The following PACS2 variants were observed in gnomAD, a reference collection of about 807,000 sequenced individuals.
The protein encoded by PACS2 is PACS1-like protein.
In PACS2, 36 loss-of-function variants were observed where a neutral mutation model predicts 113.0. The ratio of observed to expected loss-of-function variants is 0.32; its 90% CI spans 0.24 to 0.42. The LOEUF (loss-of-function observed/expected upper bound fraction) is 0.42. PACS2 is among the 10% of genes least tolerant of loss of function. The probability of loss-of-function intolerance (pLI) is 1.00; values close to 1 mark genes in which losing one functional copy is unlikely to be tolerated. For synonymous variants in PACS2, 589 were observed against 536.1 expected, an observed-to-expected ratio of 1.10 and a Z score of -1.36; for missense variants, 1,015 against 1,239.5, an observed-to-expected ratio of 0.82 and a Z score of 2.72.
rs767035348 is a variant in PACS2 at position 105,329,668 on chromosome 14, C to T, written c.119+14631C>T. ...TGGCTCAGGGAGGTCCAGACAGCCC[C>T]CTTGTCTAGGTGCGCACCTGGAGTC... On this transcript the variant is annotated intron_variant, in intron 1 of 24. Transcript: ENST00000447393. The surrounding 1 kb of genome is among the most constrained non-coding windows in gnomAD (Gnocchi z 6.4). 2.0e-5 allele frequency among the ~76,000 whole-genome samples: 3 copies of T among 152,138 alleles called. No individual in the cohort carries two copies. Among genetic ancestry groups the T allele is most frequent in the Non-Finnish European group, 2.9e-5 (2 of 68,018 alleles).
At position 105,369,863 on chromosome 14, in the gene PACS2, TG is replaced by T; in HGVS notation, c.766del (p.Val256Ter). 1 of 1,604,076 alleles carries T rather than the reference TG, an allele frequency of 6.2e-7. No individual in the cohort carries two copies. The highest frequency in any genetic ancestry group is 1.1e-5 in the South Asian group (1 of 90,106). On this transcript the variant is annotated frameshift_variant, in exon 8 of 25. Transcript: ENST00000447393. LOFTEE classifies it high-confidence loss of function. ...MTRQQNFKQK[V>X]VALLRRFKVS... ...CAGCAACAGAACTTCAAGCAGAAAGTGGTAGCGCTGCTGCGGAGGTTCAAAG... is the reference window on the plus strand; with the variant it reads ...CAGCAACAGAACTTCAAGCAGAAAGTGTAGCGCTGCTGCGGAGGTTCAAAG...
intron 1 of PACS2, among the ~76,000 whole-genome samples, chr14:105,306,615 G>GT (rs930977513): frequency 9.4e-5 from 14 of 149,282 alleles, no homozygotes; most frequent in Non-Finnish European, 1.5e-4. Context: ...TTTTTTGGGG[G>GT]TTTTTTTTGA....
Position 105,357,712 on chromosome 14 carries a change from G to C in PACS2, c.423+2535G>C, listed in dbSNP as rs961221128. ...CAGACGGACACAGGTGGCAGAGGTGGGGGGCTCTCACCAGCTGGGCTCAGG... is the reference window on the plus strand; with the variant it reads ...CAGACGGACACAGGTGGCAGAGGTGCGGGGCTCTCACCAGCTGGGCTCAGG... On this transcript the variant is annotated intron_variant, in intron 4 of 24. Transcript: ENST00000447393. This position sits in a 1 kb window ranked among gnomAD's most constrained non-coding sequence, Gnocchi z 5.1. 5.3e-5 allele frequency among the ~76,000 whole-genome samples: 8 copies of C among 152,214 alleles called. No homozygotes were observed. Among genetic ancestry groups the C allele is most frequent in the Admixed American group, 5.2e-4 (8 of 15,284 alleles).
intron 22 of PACS2, 78 bp downstream of exon 22, chr14:105,391,844 T>A: frequency 7.2e-7 from 1 of 1,390,480 alleles, no homozygotes; most frequent in Non-Finnish European, 9.7e-7. Flanking sequence ...TCCTCCCCTA[T>A]GTCACATCCA....
chr14:105,320,030 T>G (rs1045033749), intron 1 of PACS2, among the ~76,000 whole-genome samples: 1 of 152,236 alleles, frequency 6.6e-6, no homozygotes, highest in Non-Finnish European at 1.5e-5. Flanking sequence ...CAGGCTGGAG[T>G]GCAGTGGCGT....
chr14:105,314,339 C>T (rs1200886816), upstream of PACS2: 1 of 151,626 alleles, frequency 6.6e-6, no homozygotes, highest in African/African-American at 2.4e-5. Flanking sequence ...GGGGAATCCG[C>T]GCGTGGGGAG....
In PACS2 at chr14:105,395,967, GCAAAAGGCCATGCT is replaced by G. The variant is rs2081517723; in HGVS notation, c.*1298_*1311del. On this transcript the variant is annotated 3_prime_UTR_variant, in exon 25 of 25. Transcript: ENST00000447393. ...GCCTGGTTTCGTAAGATGGAGCACTGCAAAAGGCCATGCTCAGAAAGCAAACGCAGGGCAGGGTG... is the reference window on the plus strand; with the variant it reads ...GCCTGGTTTCGTAAGATGGAGCACTGCAGAAAGCAAACGCAGGGCAGGGTG... The G allele has an allele frequency of 6.6e-6, 1 of 152,274 alleles. No individual in the cohort carries two copies. Among genetic ancestry groups the G allele is most frequent in the African/African-American group, 2.4e-5 (1 of 41,458 alleles). The allele number at this position is 152,274 out of a possible 1,614,324, so 9.4% of individuals were successfully genotyped here.
chr14:105,333,766 A>T (rs1048973707), intron 1 of PACS2, among the ~76,000 whole-genome samples: 18 of 152,118 alleles, frequency 1.2e-4, no homozygotes, highest in African/African-American at 3.9e-4. Context: ...CCGGCCTGTC[A>T]CCCTTCTCAC....
Position 105,323,391 on chromosome 14 carries a change from C to T in PACS2, c.119+8354C>T, listed in dbSNP as rs587730603. 5.3e-5 allele frequency among the ~76,000 whole-genome samples: 8 copies of T among 152,334 alleles called. No homozygotes were observed. The highest frequency in any genetic ancestry group is 2.1e-4 in the South Asian group (1 of 4,830). The stretch of plus-strand genomic sequence containing the variant: ...CAGCCCTTCCCCCTGCCTCTGTCCA[C>T]GTGCAGGGGCGTCTCCTCAGGACGC... On this transcript the variant is annotated intron_variant, in intron 1 of 24. Transcript: ENST00000447393. This position sits in a 1 kb window ranked among gnomAD's most constrained non-coding sequence, Gnocchi z 4.1.
intron 4 of PACS2, among the ~76,000 whole-genome samples, chr14:105,362,018 G>C (rs1443314730): frequency 6.6e-6 from 1 of 152,046 alleles, no homozygotes; most frequent in Non-Finnish European, 1.5e-5. Context: ...AGCTACTCGG[G>C]AGGCTGAGGC....
Position 105,384,356 on chromosome 14 carries a change from C to G in PACS2, c.1784C>G (p.Ser595Cys). The change falls in exon 17 of 25, where the codon TCC becomes TGC. Residue 595 changes from serine (S) to cysteine (C), a missense_variant. Coordinates refer to ENST00000447393, the MANE Select transcript of PACS2 (RefSeq NM_001100913.3). ...CAGCCCCACCCCTGGCATGCAGGCT[C>G]CCACCCCGTGGCCAGGTACCTAGGC... The part of the protein sequence containing the change: ...YMRFLVIPLG[S>C]HPVARYLGSV... The G allele has an allele frequency of 1.2e-6, 2 of 1,602,704 alleles. No homozygotes were observed. Among genetic ancestry groups the G allele is most frequent in the South Asian group, 1.1e-5 (1 of 90,858 alleles).
rs2059228835 is a variant in PACS2 at position 105,329,629 on chromosome 14, G to C, written c.119+14592G>C. Among the ~76,000 whole-genome samples the C allele has an allele frequency of 6.6e-6, 1 of 152,170 alleles. No homozygotes were observed. Among genetic ancestry groups the C allele is most frequent in the East Asian group, 1.9e-4 (1 of 5,186 alleles). On this transcript the variant is annotated intron_variant, in intron 1 of 24. Transcript: ENST00000447393. This position sits in a 1 kb window ranked among gnomAD's most constrained non-coding sequence, Gnocchi z 6.4. ...GCGGGCACCTTCTGGGCTTGGGGGC[G>C]GGGCTTCTCACGATGGCTCAGGGAG...
rs1555408160 is a variant in PACS2, at chr14:105,367,250, G to A, written c.461G>A (p.Ser154Asn). 1 of 1,613,040 alleles carries A rather than the reference G, an allele frequency of 6.2e-7. No individual in the cohort carries two copies. The highest frequency in any genetic ancestry group is 1.3e-5 in the African/African-American group (1 of 74,934). ...CCGTCTGAAGGTGGCCAGGTGCTGA[G>A]CCTCTGCAGCAGCATCAAGGAGGCC... ...QHPSEGGQVL[S>N]LCSSIKEAPV... Residue 154 changes from serine (S) to asparagine (N), a missense_variant, in exon 5 of 25, where the codon AGC becomes AAC. By Grantham distance (46) the Ser-to-Asn change is conservative (BLOSUM62 1). Around this residue, in one of 3 missense-constraint regions of PACS2, gnomAD observed 859 missense variants for 1,056.8 expected, o/e 0.81. Coordinates refer to ENST00000447393, the MANE Select transcript of PACS2 (RefSeq NM_001100913.3).
Position 105,395,652 on chromosome 14 carries a change from T to C in PACS2, c.*980T>C, listed in dbSNP as rs1343455125. The C allele has an allele frequency of 6.6e-6, 1 of 152,294 alleles. No individual in the cohort carries two copies. The highest frequency in any genetic ancestry group is 1.5e-5 in the Non-Finnish European group (1 of 68,078). 9.4% of individuals were successfully genotyped at this position (152,294 alleles called of 1,614,324 possible). On this transcript the variant is annotated 3_prime_UTR_variant, in exon 25 of 25. Coordinates refer to ENST00000447393, the MANE Select transcript of PACS2 (RefSeq NM_001100913.3). ...GCTGCAACGCTGTAGCCAATGAAGA[T>C]TCCAGCGGGATGGCCTGACCAGCGG... is the stretch of plus-strand genomic sequence containing the variant.
At chr14:105,380,853 A>T in intron 11 of PACS2, 104 bp from the exon 12 acceptor site, 1 of 1,144,218 alleles carries the variant, frequency 8.7e-7, no homozygotes, top group Non-Finnish European at 1.2e-6. Context: ...GCCACGGCCT[A>T]GAGAGGCCTA....
rs1566933794 is a variant in PACS2, at chr14:105,354,747, G to A, written c.298-305G>A. The stretch of plus-strand genomic sequence containing the variant: ...TTTCCGAGTGTCCACAGGCGCGCTC[G>A]GCCATCCCGGACACTGCAGCACATA... On this transcript the variant is annotated intron_variant, in intron 3 of 24. Transcript: ENST00000447393. This position sits in a 1 kb window ranked among gnomAD's most constrained non-coding sequence, Gnocchi z 4.2. Among the ~76,000 whole-genome samples, 1 of 152,234 alleles carries A rather than the reference G, an allele frequency of 6.6e-6. No homozygotes were observed. The highest frequency in any genetic ancestry group is 1.5e-5 in the Non-Finnish European group (1 of 68,038).
At chr14:105,394,444 T>C (rs1360440329) in intron 24 of PACS2, 110 bp from the exon 25 acceptor site, 5 of 1,545,482 alleles carry the variant, frequency 3.2e-6, no homozygotes, top group African/African-American at 1.4e-5. Flanking sequence ...TGGGGCTCCT[T>C]CTCATCCTGT....
At chr14:105,378,143 C>T (rs1207792230) in intron 9 of PACS2, among the ~76,000 whole-genome samples, 1 of 152,254 alleles carries the variant, frequency 6.6e-6, no homozygotes, top group Non-Finnish European at 1.5e-5. Flanking sequence ...CTGCCTTCAG[C>T]CGGAGAAAGT....
rs587695320 is a variant in PACS2 at position 105,315,826 on chromosome 14, A to G, written c.119+789A>G. ...TCCTGCTCAGGAAGCTCCCAGGCTA[A>G]GGAGGAGAGAGACACGCTCTCCGGA... is the stretch of plus-strand genomic sequence containing the variant. On this transcript the variant is annotated intron_variant, in intron 1 of 24. Transcript: ENST00000447393. This position sits in a 1 kb window ranked among gnomAD's most constrained non-coding sequence, Gnocchi z 4.4. 1.3e-5 allele frequency among the ~76,000 whole-genome samples: 2 copies of G among 152,342 alleles called. No homozygotes were observed. Among genetic ancestry groups the G allele is most frequent in the East Asian group, 1.9e-4 (1 of 5,184 alleles).
Sources: allele counts gnomAD v4.1 joint callset (sites outside exome capture counted in the v4.1 genomes callset), GRCh38; gene constraint gnomAD v4.1.1; regional missense constraint gnomAD v4.1.1; non-coding constraint Gnocchi (gnomAD v3.1); transcripts MANE v1.5; gene names NCBI Gene and HGNC (gene_info 2026-07-23, HGNC 2026-07-21).